SLC39A11: variants seen among roughly 807,000 people sequenced by gnomAD.
SLC39A11 encodes solute carrier family 39 member 11, also known as zinc transporter ZIP11.
Under a neutral mutation model 36.1 loss-of-function variants are expected in SLC39A11, and 33 were observed. The observed-to-expected ratio is 0.91, with a 90% confidence interval of 0.69 to 1.22. SLC39A11 has a LOEUF of 1.22. SLC39A11 is among the 50% of genes most tolerant of loss of function. SLC39A11 has a pLI of 0.00. For missense variants in SLC39A11, 432 were observed against 430.3 expected (o/e 1.00, Z -0.03); for synonymous variants, 166 against 170.3 (o/e 0.97, Z 0.20).
chr17:72,716,305 C>T (rs948299154), intron 7 of SLC39A11, among the ~76,000 whole-genome samples: 22 of 151,682 alleles, frequency 1.5e-4, no homozygotes, highest in African/African-American at 4.8e-4. Flanking sequence ...AAGCGGGAGG[C>T]GGATGACTGA....
At chr17:73,053,529 T>C (rs2059576060) in intron 3 of SLC39A11, among the ~76,000 whole-genome samples, 1 of 152,190 alleles carries the variant, frequency 6.6e-6, no homozygotes, top group Admixed American at 6.5e-5. Flanking sequence ...GAAATATACT[T>C]ACTCATTTCA....
intron 7 of SLC39A11, among the ~76,000 whole-genome samples, chr17:72,696,285 G>A (rs1567956398): frequency 6.6e-6 from 1 of 152,100 alleles, no homozygotes; most frequent in East Asian, 1.9e-4. Flanking sequence ...CCCGGCCTCT[G>A]AGTCTACTTG....
intron 7 of SLC39A11, among the ~76,000 whole-genome samples, chr17:72,692,664 G>A (rs1464862324): frequency 6.6e-6 from 1 of 152,152 alleles, no homozygotes. Flanking sequence ...GGAATTCTGG[G>A]AGATACAATT....
At chr17:72,989,291 CAG>C (rs1333906595) in intron 4 of SLC39A11, among the ~76,000 whole-genome samples, 1 of 152,232 alleles carries the variant, frequency 6.6e-6, no homozygotes, top group Non-Finnish European at 1.5e-5. Flanking sequence ...CTGTATTTCA[CAG>C]AGTTCTCCTG....
intron 5 of SLC39A11, among the ~76,000 whole-genome samples, chr17:72,903,950 TA>T (rs1291001139): frequency 6.6e-6 from 1 of 152,164 alleles, no homozygotes; most frequent in Non-Finnish European, 1.5e-5. Flanking sequence ...ACCCTCCTGC[TA>T]AAACTCTTAA....
chr17:72,742,632 T>C (rs761660372), intron 6 of SLC39A11, among the ~76,000 whole-genome samples: 6 of 152,226 alleles, frequency 3.9e-5, no homozygotes, highest in Non-Finnish European at 8.8e-5. Flanking sequence ...CAACAGCTGG[T>C]TGACTCTTTT....
intron 5 of SLC39A11, among the ~76,000 whole-genome samples, chr17:72,934,384 G>A (rs1345462631): frequency 1.3e-5 from 2 of 152,042 alleles, no homozygotes; most frequent in African/African-American, 4.8e-5. Context: ...GAACTCTCGG[G>A]GCCGGGCACA....
rs1491530747 is a variant in SLC39A11 at position 72,900,108 on chromosome 17, A to AAAG, written c.430+47643_430+47644insCTT. ...AAAGAGAAAGAGAAAAGAAAGAAAG[A>AAAG]AAAAGAAAGAAAGAAAAGAAAGAAA... On this transcript the variant is annotated intron_variant, in intron 5 of 9. Coordinates refer to ENST00000255559, the MANE Select transcript of SLC39A11 (RefSeq NM_139177.4). 5.6e-3 allele frequency among the ~76,000 whole-genome samples: 674 copies of AAAG among 120,468 alleles called. 102 individuals carry two copies. The highest frequency in any genetic ancestry group is 0.026 in the African/African-American group (632 of 23,900). 79.0% of individuals were successfully genotyped at this position (120,468 alleles called of 152,430 possible). A position where few individuals can be genotyped will look rare whatever the true frequency, so the allele number is the denominator to read the frequency against.
chr17:72,849,280 G>A (rs12939594), intron 6 of SLC39A11, among the ~76,000 whole-genome samples: 133,179 of 152,140 alleles, frequency 0.88, 58,630 homozygotes, highest in East Asian at 0.97. Context: ...GGTCAACTAT[G>A]TTTTCAAATA....
At chr17:73,006,999 C>T (rs1204123752) in intron 4 of SLC39A11, among the ~76,000 whole-genome samples, 2 of 152,120 alleles carry the variant, frequency 1.3e-5, no homozygotes, top group Non-Finnish European at 2.9e-5. Flanking sequence ...CTGTGCCAGG[C>T]GCTGGGGATG....
chr17:72,829,700 T>C (rs375237032), intron 6 of SLC39A11, among the ~76,000 whole-genome samples: 33 of 152,220 alleles, frequency 2.2e-4, no homozygotes, highest in African/African-American at 7.7e-4. Context: ...TAAAATCCCT[T>C]GTCTCTTCTA....
intron 7 of SLC39A11, among the ~76,000 whole-genome samples, chr17:72,683,724 T>C (rs2071613935): frequency 6.6e-6 from 1 of 151,778 alleles, no homozygotes; most frequent in African/African-American, 2.4e-5. Flanking sequence ...GTTGATCTCG[T>C]AGAAAACTCT....
chr17:72,732,265 T>G (rs1337293289), intron 7 of SLC39A11, among the ~76,000 whole-genome samples: 1 of 152,042 alleles, frequency 6.6e-6, no homozygotes, highest in Non-Finnish European at 1.5e-5. Flanking sequence ...TCCGCCCGCC[T>G]CGGCCTCTCA....
intron 3 of SLC39A11, among the ~76,000 whole-genome samples, chr17:73,047,966 CAAAAAAAAAAAAA>C (rs1165334910): frequency 4.9e-5 from 1 of 20,494 alleles, no homozygotes; most frequent in African/African-American, 1.8e-4. Context: ...GACTCCATCT[CAAAAAAAAAAAAA>C]AAAAAAAAAA....
At chr17:72,659,628 G>A (rs932233293) in intron 7 of SLC39A11, among the ~76,000 whole-genome samples, 1 of 138,630 alleles carries the variant, frequency 7.2e-6, no homozygotes, top group Non-Finnish European at 1.5e-5. Flanking sequence ...TGTTGCCCAG[G>A]CTGAAGTGCA....
intron 7 of SLC39A11, among the ~76,000 whole-genome samples, chr17:72,690,371 C>T (rs949708221): frequency 1.3e-5 from 2 of 152,178 alleles, no homozygotes; most frequent in African/African-American, 4.8e-5. Flanking sequence ...CCCCAAGGGG[C>T]TCCTGGCTCT....
intron 6 of SLC39A11, among the ~76,000 whole-genome samples, chr17:72,770,172 G>A (rs954722844): frequency 4.6e-5 from 7 of 152,164 alleles, no homozygotes; most frequent in Non-Finnish European, 1.0e-4. Flanking sequence ...GATTTTCTGG[G>A]TTCACAACCT....
chr17:72,770,518 C>T (rs1282993914), intron 6 of SLC39A11, among the ~76,000 whole-genome samples: 1 of 152,210 alleles, frequency 6.6e-6, no homozygotes, highest in Non-Finnish European at 1.5e-5. Context: ...GGCTCTTCTT[C>T]CCAGGCCTCC....
At chr17:72,836,399 G>A (rs1459330973) in intron 6 of SLC39A11, among the ~76,000 whole-genome samples, 1 of 151,348 alleles carries the variant, frequency 6.6e-6, no homozygotes, top group African/African-American at 2.4e-5. Flanking sequence ...GGAGTGCAGC[G>A]GCACGATCTC....
Sources: allele counts gnomAD v4.1 joint callset (sites outside exome capture counted in the v4.1 genomes callset), GRCh38; gene constraint gnomAD v4.1.1; transcripts MANE v1.5; gene names NCBI Gene and HGNC (gene_info 2026-07-23, HGNC 2026-07-21).